Variants in CARMIL1 observed in about 807,000 individuals in gnomAD.
CARMIL1 encodes F-actin-uncapping protein LRRC16A.
Under a neutral mutation model 177.1 loss-of-function variants are expected in CARMIL1, and 90 were observed. That is an observed-to-expected ratio of 0.51 (90% CI 0.43 to 0.61). The LOEUF (loss-of-function observed/expected upper bound fraction) is 0.61. Ranked by LOEUF, CARMIL1 falls within the 20% of genes least tolerant of loss-of-function variation. CARMIL1 has a pLI of 0.00. For synonymous variants in CARMIL1, 577 were observed against 606.2 expected (o/e 0.95, Z 0.71); for missense variants, 1,380 against 1,667.0 (o/e 0.83, Z 3.00).
chr6:25,577,153 T>C lies in CARMIL1; in HGVS notation c.2743-3771T>C. 1 of 984,826 alleles carries C rather than the reference T, an allele frequency of 1.0e-6. No individual in the cohort carries two copies. Among genetic ancestry groups the C allele is most frequent in the Non-Finnish European group, 1.2e-6 (1 of 829,410 alleles). 61.0% of individuals were successfully genotyped at this position (984,826 alleles called of 1,614,324 possible). A position where few individuals can be genotyped will look rare whatever the true frequency, so the allele number is the denominator to read the frequency against. On this transcript the variant is annotated intron_variant, in intron 29 of 36. Transcript: ENST00000329474. The surrounding 1 kb of genome is among the most constrained non-coding windows in gnomAD (Gnocchi z 4.5). Reference sequence around the variant, plus strand: ...ATAGGCAACAATTTAGAGACAAGATTGGATTTTGCAAGATGGTTCAGCTAG... The same window carrying C: ...ATAGGCAACAATTTAGAGACAAGATCGGATTTTGCAAGATGGTTCAGCTAG...
rs899419833 is a variant in CARMIL1, at chr6:25,303,341, A to G, written c.138+18432A>G. ...AAGCATCTCATTTCCTATTGGTTCC[A>G]TGAGCAACCCTTTTTAGCATACAGA... On this transcript the variant is annotated intron_variant, in intron 2 of 36. Transcript: ENST00000329474. Among the ~76,000 whole-genome samples, 4 of 152,184 alleles carry G rather than the reference A, an allele frequency of 2.6e-5. No individual in the cohort carries two copies. In the South Asian group the frequency reaches 6.2e-4, roughly 24 times the overall value.
chr6:25,333,709 A>G (rs886174514), intron 2 of CARMIL1, among the ~76,000 whole-genome samples: 9 of 151,962 alleles, frequency 5.9e-5, no homozygotes, highest in Non-Finnish European at 1.3e-4. Context: ...AGCTTGAAAT[A>G]TTGCTTGAAA....
intron 17 of CARMIL1, among the ~76,000 whole-genome samples, chr6:25,501,093 C>G (rs995538725): frequency 4.6e-5 from 7 of 152,046 alleles, no homozygotes; most frequent in African/African-American, 1.7e-4. Context: ...GGCACCTAGA[C>G]TTTTGCTATC....
intron 35 of CARMIL1, among the ~76,000 whole-genome samples, chr6:25,607,362 G>T (rs1241228937): frequency 1.3e-5 from 2 of 152,042 alleles, no homozygotes; most frequent in Admixed American, 1.3e-4. Flanking sequence ...AAAATAGATA[G>T]TCAGATCATC....
Position 25,426,579 on chromosome 6 carries a change from T to A in CARMIL1, c.249+19T>A. 6.2e-7 allele frequency: 1 copy of A among 1,604,540 alleles called. No individual in the cohort carries two copies. ...AGCTCAGGTGAGTGTGAAAAATGGA[T>A]CACTGCAAGATCATGATCTTTCTTG... On this transcript the variant is annotated intron_variant, in intron 4 of 36. Coordinates refer to ENST00000329474, the MANE Select transcript of CARMIL1 (RefSeq NM_017640.6).
intron 2 of CARMIL1, among the ~76,000 whole-genome samples, chr6:25,288,264 C>T (rs1459264821): frequency 2.0e-5 from 3 of 152,186 alleles, no homozygotes; most frequent in Non-Finnish European, 4.4e-5. Context: ...TACTAAGGTA[C>T]AGCTGGGGTA....
At chr6:25,582,084 C>G (rs1283066085) in intron 31 of CARMIL1, among the ~76,000 whole-genome samples, 1 of 152,210 alleles carries the variant, frequency 6.6e-6, no homozygotes, top group Non-Finnish European at 1.5e-5. Context: ...TGCCAATTGT[C>G]TCTACTGTCT....
At chr6:25,376,222 G>A (rs369028445) in intron 2 of CARMIL1, among the ~76,000 whole-genome samples, 22 of 152,170 alleles carry the variant, frequency 1.4e-4, no homozygotes, top group East Asian at 1.2e-3. Flanking sequence ...CTGGGCTTAC[G>A]GTGCCCACCA....
chr6:25,586,083 C>T lies in CARMIL1; in HGVS notation c.3006+4644C>T, dbSNP rs374631064. On this transcript the variant is annotated intron_variant, in intron 31 of 36. Coordinates refer to ENST00000329474, the MANE Select transcript of CARMIL1 (RefSeq NM_017640.6). ...TGGGTAAACCTCCCAGACGGGGTGG[C>T]GGCCAGGCAGAGGCGCCCCCCATCT... Among the ~76,000 whole-genome samples the T allele has an allele frequency of 2.3e-3, 336 of 147,322 alleles. 1 individual carries two copies. Among genetic ancestry groups the T allele is most frequent in the African/African-American group, 7.0e-3 (262 of 37,200 alleles).
chr6:25,429,036 A>G (rs1796504958), intron 4 of CARMIL1, among the ~76,000 whole-genome samples: 1 of 152,068 alleles, frequency 6.6e-6, no homozygotes, highest in East Asian at 1.9e-4. Flanking sequence ...TCTTATTGCT[A>G]TTGGGAGATA....
At chr6:25,458,952 A>G (rs1799767974) in intron 8 of CARMIL1, among the ~76,000 whole-genome samples, 1 of 152,170 alleles carries the variant, frequency 6.6e-6, no homozygotes. Flanking sequence ...CCTTTTTTTT[A>G]AATGAACAAT....
intron 11 of CARMIL1, among the ~76,000 whole-genome samples, chr6:25,474,900 A>T (rs913253364): frequency 2.0e-5 from 3 of 152,200 alleles, no homozygotes; most frequent in Non-Finnish European, 4.4e-5. Context: ...AGCAAATGAA[A>T]TCTAGAGTTA....
At chr6:25,447,159 G>T (rs1798313097) in intron 5 of CARMIL1, among the ~76,000 whole-genome samples, 1 of 152,194 alleles carries the variant, frequency 6.6e-6, no homozygotes, top group Non-Finnish European at 1.5e-5. Flanking sequence ...TTAATGCAAG[G>T]TTGCCACAAA....
At chr6:25,512,719 G>T (rs574515) in intron 20 of CARMIL1, among the ~76,000 whole-genome samples, 66,388 of 151,972 alleles carry the variant, frequency 0.44, 14,900 homozygotes, top group Middle Eastern at 0.52. Context: ...CATGCTGGTG[G>T]GTTCCAGTGT....
In CARMIL1 at chr6:25,543,034, T is replaced by A. The variant is rs182117185; in HGVS notation, c.2328+2956T>A. 5.3e-4 allele frequency among the ~76,000 whole-genome samples: 81 copies of A among 152,312 alleles called. 1 individual carries two copies. In the East Asian group the frequency reaches 9.3e-3, roughly 17 times the overall value. On this transcript the variant is annotated intron_variant, in intron 26 of 36. Coordinates refer to ENST00000329474, the MANE Select transcript of CARMIL1 (RefSeq NM_017640.6). ...GCTAAAGTCGATGGATTATCTTGTT[T>A]AAATGTTATTTTGTAAAAATAGTTT...
chr6:25,579,437 A>G (rs1016964605), intron 29 of CARMIL1, among the ~76,000 whole-genome samples: 1 of 152,342 alleles, frequency 6.6e-6, no homozygotes, highest in East Asian at 1.9e-4. Context: ...GACCAAACAC[A>G]GCATATATTT....
chr6:25,436,333 G>T (rs1321971252), intron 5 of CARMIL1, among the ~76,000 whole-genome samples: 1 of 152,162 alleles, frequency 6.6e-6, no homozygotes, highest in African/African-American at 2.4e-5. Context: ...ATTCACAGAT[G>T]GCAGAAAATT....
chr6:25,322,178 A>T (rs1424239861), intron 2 of CARMIL1, among the ~76,000 whole-genome samples: 1 of 152,054 alleles, frequency 6.6e-6, no homozygotes, highest in African/African-American at 2.4e-5. Flanking sequence ...GCAGGAGTGC[A>T]GTGGCACTAT....
At chr6:25,406,959 T>G (rs2150608819) in intron 2 of CARMIL1, among the ~76,000 whole-genome samples, 1 of 151,268 alleles carries the variant, frequency 6.6e-6, no homozygotes, top group Admixed American at 6.6e-5. Flanking sequence ...TGACTAGGAA[T>G]AACCACAGAG....
Sources: allele counts gnomAD v4.1 joint callset (sites outside exome capture counted in the v4.1 genomes callset), GRCh38; gene constraint gnomAD v4.1.1; non-coding constraint Gnocchi (gnomAD v3.1); transcripts MANE v1.5; gene names NCBI Gene and HGNC (gene_info 2026-07-23, HGNC 2026-07-21).